ULK4: variants seen among roughly 807,000 people sequenced by gnomAD.
ULK4 encodes the protein unc-51 like kinase 4, also known as inactive serine/threonine-protein kinase ULK4.
A neutral mutation model predicts 160.6 loss-of-function variants in ULK4; 133 were observed. The observed-to-expected ratio is 0.83, with a 90% CI of 0.72 to 0.96. The LOEUF (loss-of-function observed/expected upper bound fraction) is 0.96, where lower values mean the gene tolerates loss of function less well. Ranked by LOEUF, ULK4 falls within the 40% of genes least tolerant of loss-of-function variation. The pLI, the probability that ULK4 is intolerant of heterozygous loss-of-function variation, is 0.00. For synonymous variants in ULK4, 534 were observed against 539.8 expected, an observed-to-expected ratio of 0.99 and a Z score of 0.15; for missense variants, 1,580 against 1,499.5, an observed-to-expected ratio of 1.05 and a Z score of -0.89.
chr3:41,450,257 C>A (rs1464605528), intron 34 of ULK4, among the ~76,000 whole-genome samples: 1 of 152,052 alleles, frequency 6.6e-6, no homozygotes, highest in African/African-American at 2.4e-5. Flanking sequence ...TTATTATATC[C>A]TATATTAGCC....
At chr3:41,250,152 T>C (rs989113781) in intron 35 of ULK4, among the ~76,000 whole-genome samples, 1 of 152,082 alleles carries the variant, frequency 6.6e-6, no homozygotes, top group African/African-American at 2.4e-5. Flanking sequence ...AATCATACAC[T>C]CTCAGGGCTA....
intron 17 of ULK4, among the ~76,000 whole-genome samples, chr3:41,837,877 T>C (rs1370438261): frequency 1.3e-5 from 2 of 152,212 alleles, no homozygotes; most frequent in Non-Finnish European, 2.9e-5. Context: ...TTCCTTCTTA[T>C]TGCTGAACGT....
At chr3:41,809,507 T>C (rs2040755519) in intron 19 of ULK4, among the ~76,000 whole-genome samples, 1 of 152,222 alleles carries the variant, frequency 6.6e-6, no homozygotes, top group South Asian at 2.1e-4. Context: ...TAGACTAAGA[T>C]TATATTTGTG....
intron 2 of ULK4, among the ~76,000 whole-genome samples, chr3:41,952,749 G>C (rs1372876386): frequency 6.6e-6 from 1 of 152,178 alleles, no homozygotes; most frequent in Non-Finnish European, 1.5e-5. Context: ...ATCTCAAAGA[G>C]ATATTTGTAT....
At chr3:41,528,891 C>A (rs6765331) in intron 32 of ULK4, among the ~76,000 whole-genome samples, 41,993 of 152,046 alleles carry the variant, frequency 0.28, 6,256 homozygotes, top group African/African-American at 0.38. Flanking sequence ...GGCTTAATAC[C>A]TGGGTGATGA....
At chr3:41,722,807 C>T (rs556893273) in intron 22 of ULK4, among the ~76,000 whole-genome samples, 3 of 152,050 alleles carry the variant, frequency 2.0e-5, no homozygotes, top group Non-Finnish European at 4.4e-5. Context: ...AATATATAAC[C>T]GTTTATTTAA....
At chr3:41,852,931 C>G (rs1341568396) in intron 17 of ULK4, among the ~76,000 whole-genome samples, 1 of 152,158 alleles carries the variant, frequency 6.6e-6, no homozygotes, top group African/African-American at 2.4e-5. Context: ...TGAAAAAAAT[C>G]TCCCCTGAGA....
At chr3:41,954,506 A>G (rs1700418909) in intron 2 of ULK4, 116 bp downstream of exon 2, 1 of 1,208,882 alleles carries the variant, frequency 8.3e-7, no homozygotes, top group Non-Finnish European at 1.2e-6. Flanking sequence ...CATCCATTCC[A>G]GACTGAAAAT....
chr3:41,448,101 G>C (rs1376301520), intron 34 of ULK4, among the ~76,000 whole-genome samples: 1 of 152,112 alleles, frequency 6.6e-6, no homozygotes, highest in Non-Finnish European at 1.5e-5. Context: ...TCCCTTCTCT[G>C]TAACAGGCCC....
intron 32 of ULK4, among the ~76,000 whole-genome samples, chr3:41,495,407 C>T (rs901292011): frequency 1.5e-4 from 23 of 151,812 alleles, no homozygotes; most frequent in Admixed American, 1.2e-3. Flanking sequence ...CCCTTCCTTA[C>T]ACCTTACACA....
intron 32 of ULK4, among the ~76,000 whole-genome samples, chr3:41,480,979 A>G (rs2084304731): frequency 6.6e-6 from 1 of 152,222 alleles, no homozygotes; most frequent in African/African-American, 2.4e-5. Context: ...TGTGGGGATT[A>G]TGGGAGCTAC....
intron 14 of ULK4, 149 bp from the exon 15 acceptor site, chr3:41,897,152 A>G: frequency 3.0e-6 from 2 of 664,446 alleles, no homozygotes; most frequent in South Asian, 2.3e-5. Flanking sequence ...AGATGACACT[A>G]TTTTTATTCG....
intron 35 of ULK4, among the ~76,000 whole-genome samples, chr3:41,258,981 T>C (rs187260561): frequency 1.3e-5 from 2 of 149,860 alleles, no homozygotes; most frequent in East Asian, 3.9e-4. Flanking sequence ...TGTATATATA[T>C]ACAGATATAC....
At chr3:41,682,601 G>C (rs1229215089) in intron 27 of ULK4, among the ~76,000 whole-genome samples, 2 of 152,186 alleles carry the variant, frequency 1.3e-5, no homozygotes, top group African/African-American at 4.8e-5. Flanking sequence ...TCCATATGTG[G>C]CTGGTGGCCC....
chr3:41,693,179 CTA>C (rs2036369557), intron 27 of ULK4, among the ~76,000 whole-genome samples: 1 of 152,112 alleles, frequency 6.6e-6, no homozygotes, highest in African/African-American at 2.4e-5. Context: ...TGGTAACACA[CTA>C]TTGGGAAGAC....
chr3:41,581,439 A>G (rs1255550391), intron 31 of ULK4, among the ~76,000 whole-genome samples: 2 of 152,292 alleles, frequency 1.3e-5, no homozygotes, highest in Admixed American at 6.5e-5. Flanking sequence ...ATATATACAC[A>G]TAGATCTCCA....
intron 19 of ULK4, among the ~76,000 whole-genome samples, chr3:41,809,027 G>T (rs773448264): frequency 5.3e-5 from 8 of 152,038 alleles, no homozygotes; most frequent in African/African-American, 9.7e-5. Flanking sequence ...TTAGCCAGGC[G>T]TGGTGGTGCA....
chr3:41,432,752 T>TC (rs1442541737), intron 34 of ULK4, among the ~76,000 whole-genome samples: 1 of 152,180 alleles, frequency 6.6e-6, no homozygotes, highest in Non-Finnish European at 1.5e-5. Context: ...CAGGTGCCAC[T>TC]CCACTTATTT....
rs1238583051 is a variant in ULK4 at position 41,715,453 on chromosome 3, A to G, written c.2571T>C (p.Thr857=). 6.2e-7 allele frequency: 1 copy of G among 1,614,190 alleles called. No individual in the cohort carries two copies. The highest frequency in any genetic ancestry group is 8.5e-7 in the Non-Finnish European group (1 of 1,180,032). The change falls in exon 24 of 37, where the codon ACT becomes ACC. Residue 857 remains threonine, a synonymous_variant. Coordinates refer to ENST00000301831, the MANE Select transcript of ULK4 (RefSeq NM_017886.4). ...PLMPVVLHLV[T]SQVFRPQVVT... is the part of the protein sequence containing the mutation. ...CTCCTCAATACAATAGTACCTGTGA[A>G]GTTACGAGGTGAAGCACTACAGGCA... is the stretch of plus-strand genomic sequence containing the variant.
Sources: allele counts gnomAD v4.1 joint callset (sites outside exome capture counted in the v4.1 genomes callset), GRCh38; gene constraint gnomAD v4.1.1; transcripts MANE v1.5; gene names NCBI Gene and HGNC (gene_info 2026-07-23, HGNC 2026-07-21).